Variants in ASXL3 observed in about 807,000 individuals in gnomAD.
The protein encoded by ASXL3 is putative Polycomb group protein ASXL3.
A neutral mutation model predicts 170.6 loss-of-function variants in ASXL3; 34 were observed. That is an observed-to-expected ratio of 0.20 (90% CI 0.15 to 0.27). ASXL3 has a LOEUF of 0.27. Ranked by LOEUF, ASXL3 falls within the 10% of genes least tolerant of loss-of-function variation. ASXL3 has a pLI of 1.00. For missense variants in ASXL3, 2,592 were observed against 2,695.3 expected, an observed-to-expected ratio of 0.96 and a Z score of 0.85; for synonymous variants, 1,002 against 989.1, an observed-to-expected ratio of 1.01 and a Z score of -0.24.
intron 8 of ASXL3, among the ~76,000 whole-genome samples, chr18:33,724,934 T>TATC (rs1385641726): frequency 1.3e-5 from 2 of 152,170 alleles, no homozygotes; most frequent in African/African-American, 4.8e-5. Flanking sequence ...TTTTTATGCC[T>TATC]ATCTTTATGT....
chr18:33,664,405 A>G (rs2066224064), intron 5 of ASXL3, among the ~76,000 whole-genome samples: 1 of 152,192 alleles, frequency 6.6e-6, no homozygotes, highest in Non-Finnish European at 1.5e-5. Flanking sequence ...CAGCATAGTT[A>G]TTAAAAATAG....
chr18:33,732,083 T>C lies in ASXL3; in HGVS notation c.976+19T>C. ...GCAGAAGGTAAATTTGTATTTTCTA[T>C]TATTATGTGACATATTGGAGTACAC... is the stretch of plus-strand genomic sequence containing the variant. On this transcript the variant is annotated intron_variant, in intron 9 of 11. Transcript: ENST00000269197. 1.3e-6 allele frequency: 2 copies of C among 1,595,072 alleles called. No individual in the cohort carries two copies. The highest frequency in any genetic ancestry group is 1.7e-6 in the Non-Finnish European group (2 of 1,165,094).
chr18:33,683,768 A>G, intron 8 of ASXL3, 200 bp downstream of exon 8: 1 of 486,290 alleles, frequency 2.1e-6, no homozygotes, highest in Admixed American at 4.1e-5. Context: ...TTCAAATTTT[A>G]AAATACGGTA....
chr18:33,719,515 C>G, intron 8 of ASXL3, among the ~76,000 whole-genome samples: 1 of 151,986 alleles, frequency 6.6e-6, no homozygotes, highest in East Asian at 1.9e-4. Context: ...TAAAGAAAGT[C>G]ATGTGGTATA....
At chr18:33,622,184 CT>C (rs2065525327) in intron 2 of ASXL3, among the ~76,000 whole-genome samples, 1 of 152,030 alleles carries the variant, frequency 6.6e-6, no homozygotes, top group Non-Finnish European at 1.5e-5. Flanking sequence ...GATTATTTTA[CT>C]GATTAAAAGC....
At chr18:33,690,964 A>AC (rs939491793) in intron 8 of ASXL3, among the ~76,000 whole-genome samples, 3 of 151,760 alleles carry the variant, frequency 2.0e-5, no homozygotes, top group Non-Finnish European at 4.4e-5. Context: ...GTGCTACCTC[A>AC]CCCCACTTGG....
intron 2 of ASXL3, among the ~76,000 whole-genome samples, chr18:33,608,725 T>C (rs1350335000): frequency 6.6e-6 from 1 of 152,046 alleles, no homozygotes; most frequent in African/African-American, 2.4e-5. Context: ...AAATTAAACC[T>C]ACTGAACTGC....
chr18:33,683,924 T>C (rs184178380), intron 8 of ASXL3, among the ~76,000 whole-genome samples: 318 of 152,270 alleles, frequency 2.1e-3, no homozygotes, highest in Non-Finnish European at 3.4e-3. Context: ...CCAGGGTTTC[T>C]AAAAAATTAT....
intron 1 of ASXL3, among the ~76,000 whole-genome samples, chr18:33,595,572 T>G (rs983234043): frequency 1.3e-5 from 2 of 152,162 alleles, no homozygotes; most frequent in Non-Finnish European, 2.9e-5. Context: ...TAGAAGCCAT[T>G]GCAGCAAAAT....
At chr18:33,662,689 C>T (rs1461596438) in intron 5 of ASXL3, among the ~76,000 whole-genome samples, 2 of 152,160 alleles carry the variant, frequency 1.3e-5, no homozygotes, top group Non-Finnish European at 2.9e-5. Context: ...TCCTCTGATA[C>T]AATCATCTAT....
chr18:33,586,581 A>T, intron 1 of ASXL3, among the ~76,000 whole-genome samples: 1 of 151,856 alleles, frequency 6.6e-6, no homozygotes, highest in Non-Finnish European at 1.5e-5. Flanking sequence ...TTTCCTGCTC[A>T]CTTGAGTGTC....
chr18:33,655,126 A>G (rs779603366), intron 4 of ASXL3, among the ~76,000 whole-genome samples: 1 of 152,052 alleles, frequency 6.6e-6, no homozygotes, highest in East Asian at 1.9e-4. Flanking sequence ...GCATCATATG[A>G]TATCAGCCAC....
chr18:33,621,768 C>T (rs2065517401), intron 2 of ASXL3, among the ~76,000 whole-genome samples: 1 of 152,076 alleles, frequency 6.6e-6, no homozygotes. Context: ...GTTTGGAATG[C>T]ATTTAACTAT....
intron 2 of ASXL3, among the ~76,000 whole-genome samples, chr18:33,633,659 T>C (rs555346439): frequency 7.2e-5 from 11 of 151,960 alleles, no homozygotes; most frequent in African/African-American, 1.9e-4. Flanking sequence ...CTGGCCAACA[T>C]GGCAAAACCC....
Position 33,629,193 on chromosome 18 carries a change from G to A in ASXL3, c.138-15701G>A, listed in dbSNP as rs561963852. Among the ~76,000 whole-genome samples, 3 of 152,234 alleles carry A rather than the reference G, an allele frequency of 2.0e-5. No homozygotes were observed. In the East Asian group the frequency reaches 5.8e-4, roughly 29 times the overall value. On this transcript the variant is annotated intron_variant, in intron 2 of 11. Transcript: ENST00000269197. ...ACTATCAACTCCTGAAGTAACATTTGTAATTGAATTCAGCACCTTAAGATT... is the reference window on the plus strand; with the variant it reads ...ACTATCAACTCCTGAAGTAACATTTATAATTGAATTCAGCACCTTAAGATT...
intron 8 of ASXL3, among the ~76,000 whole-genome samples, chr18:33,710,076 A>G (rs2067030047): frequency 6.6e-6 from 1 of 152,134 alleles, no homozygotes; most frequent in African/African-American, 2.4e-5. Flanking sequence ...ACCAACGTGG[A>G]GAAACCCAGA....
intron 8 of ASXL3, among the ~76,000 whole-genome samples, chr18:33,697,961 C>T (rs2066799843): frequency 6.6e-6 from 1 of 152,122 alleles, no homozygotes; most frequent in South Asian, 2.1e-4. Context: ...TTCCCTGACT[C>T]AGCTTCAGTG....
chr18:33,710,492 C>T (rs1055748772), intron 8 of ASXL3, among the ~76,000 whole-genome samples: 5 of 152,152 alleles, frequency 3.3e-5, no homozygotes, highest in Non-Finnish European at 7.4e-5. Context: ...TCATAGTTCA[C>T]GTAAAGGAAT....
intron 1 of ASXL3, among the ~76,000 whole-genome samples, chr18:33,597,914 G>A (rs759718209): frequency 2.0e-5 from 3 of 151,966 alleles, no homozygotes; most frequent in Admixed American, 6.6e-5. Context: ...TTTTGATTAC[G>A]AAATGCTTTC....
Sources: gnomAD v4.1 joint callset for allele counts (sites outside exome capture counted in the v4.1 genomes callset) on GRCh38, gnomAD v4.1.1 for gene constraint, MANE v1.5 for transcripts, NCBI Gene and HGNC (gene_info 2026-07-23, HGNC 2026-07-21) for gene names.